The following LAMA2 variants were observed in gnomAD, a reference collection of about 807,000 sequenced individuals.
LAMA2 encodes the protein laminin subunit alpha-2.
Under a neutral mutation model 364.8 loss-of-function variants are expected in LAMA2, and 269 were observed. That is an observed-to-expected ratio of 0.74 (90% CI 0.67 to 0.82). The LOEUF (loss-of-function observed/expected upper bound fraction) is 0.82. Ranked by LOEUF, LAMA2 falls within the 40% of genes least tolerant of loss-of-function variation. The probability of loss-of-function intolerance (pLI) is 0.00; values close to 1 mark genes in which losing one functional copy is unlikely to be tolerated. For missense variants in LAMA2, 3,807 were observed against 3,873.2 expected (o/e 0.98, Z 0.45); for synonymous variants, 1,379 against 1,370.6 (o/e 1.01, Z -0.14).
intron 58 of LAMA2, among the ~76,000 whole-genome samples, chr6:129,496,415 C>T (rs895680026): frequency 3.3e-5 from 5 of 152,136 alleles, no homozygotes; most frequent in African/African-American, 1.2e-4. Context: ...GTCTGCCCAC[C>T]TCAGCCTCCC....
At chr6:129,433,355 A>T (rs926449017) in intron 41 of LAMA2, among the ~76,000 whole-genome samples, 5 of 152,172 alleles carry the variant, frequency 3.3e-5, no homozygotes, top group African/African-American at 1.2e-4. Context: ...ATTCTTCCTC[A>T]CTCGGGTGCT....
intron 17 of LAMA2, among the ~76,000 whole-genome samples, chr6:129,278,825 T>C (rs1367285210): frequency 1.3e-5 from 2 of 152,166 alleles, no homozygotes; most frequent in Admixed American, 1.3e-4. Context: ...ATGATAGACT[T>C]ACCTGGTCCT....
chr6:129,213,696 T>A (rs1783245181), intron 12 of LAMA2, among the ~76,000 whole-genome samples: 1 of 152,158 alleles, frequency 6.6e-6, no homozygotes, highest in Admixed American at 6.6e-5. Context: ...TCTGTTTAGA[T>A]TTTTTCCAAT....
chr6:128,888,754 T>C (rs1410497981), intron 1 of LAMA2, among the ~76,000 whole-genome samples: 1 of 152,230 alleles, frequency 6.6e-6, no homozygotes, highest in African/African-American at 2.4e-5. Context: ...TTGACCTTAA[T>C]TTTAAAGATT....
In LAMA2 at chr6:129,270,303, ACACACACACACACG is replaced by A. The variant is rs1379850910; in HGVS notation, c.2323-318_2323-305del. Among the ~76,000 whole-genome samples, 14 of 92,234 alleles carry A rather than the reference ACACACACACACACG, an allele frequency of 1.5e-4. No homozygotes were observed. The East Asian group carries it at 1.6e-3, about 11-fold the overall frequency. 60.5% of individuals were successfully genotyped at this position (92,234 alleles called of 152,430 possible). ...CACACACACACACACACACACACAC[ACACACACACACACG>A]CAATATCATGTATTTTCTTAAGGAA... is the stretch of plus-strand genomic sequence containing the variant. On this transcript the variant is annotated intron_variant, in intron 16 of 64. Coordinates refer to ENST00000421865, the MANE Select transcript of LAMA2 (RefSeq NM_000426.4).
At chr6:129,338,629 T>C (rs1348164800) in intron 29 of LAMA2, among the ~76,000 whole-genome samples, 2 of 152,206 alleles carry the variant, frequency 1.3e-5, no homozygotes, top group Non-Finnish European at 2.9e-5. Context: ...ACCAGTTTCA[T>C]CTATACTTCC....
intron 1 of LAMA2, 115 bp downstream of exon 1, chr6:128,883,472 G>A (rs1775935845): frequency 6.6e-7 from 1 of 1,510,280 alleles, no homozygotes; most frequent in South Asian, 1.2e-5. Flanking sequence ...CGCCTTCAGA[G>A]AGTGCGCTCT....
In LAMA2 at chr6:129,465,164, A is replaced by G; in HGVS notation, c.7175A>G (p.Glu2392Gly). ...TRDLRDFMSV[E>G]LTDGHIKVSY... Reference sequence around the variant, plus strand: ...TAATAGAGAGATTTCATGAGTGTGGAGCTCACTGATGGGCACATAAAAGTC... The same window carrying G: ...TAATAGAGAGATTTCATGAGTGTGGGGCTCACTGATGGGCACATAAAAGTC... The change falls in exon 51 of 65, where the codon GAG becomes GGG. Residue 2392 changes from glutamate to glycine, a missense_variant. Coordinates refer to ENST00000421865, the MANE Select transcript of LAMA2 (RefSeq NM_000426.4). The G allele has an allele frequency of 6.2e-7, 1 of 1,610,926 alleles. No homozygotes were observed. Among genetic ancestry groups the G allele is most frequent in the Non-Finnish European group, 8.5e-7 (1 of 1,177,668 alleles).
intron 12 of LAMA2, among the ~76,000 whole-genome samples, 187 bp from the exon 13 acceptor site, chr6:129,249,925 A>C (rs1786050780): frequency 1.3e-5 from 2 of 152,162 alleles, no homozygotes; most frequent in African/African-American, 4.8e-5. Context: ...CTTGCAGTTG[A>C]TGGGTAAGGT....
intron 15 of LAMA2, among the ~76,000 whole-genome samples, chr6:129,264,043 C>T (rs1199417050): frequency 6.6e-6 from 1 of 152,044 alleles, no homozygotes; most frequent in Admixed American, 6.6e-5. Context: ...CGCACCCAGC[C>T]TGAGTTACAT....
At chr6:128,900,274 C>T (rs1465445145) in intron 1 of LAMA2, among the ~76,000 whole-genome samples, 1 of 152,094 alleles carries the variant, frequency 6.6e-6, no homozygotes, top group Non-Finnish European at 1.5e-5. Flanking sequence ...GGAGCTGGCC[C>T]TTCAGCAAAG....
chr6:129,402,167 C>T (rs1017112432), intron 38 of LAMA2, among the ~76,000 whole-genome samples, 157 bp from the exon 39 acceptor site: 1 of 149,332 alleles, frequency 6.7e-6, no homozygotes, highest in Non-Finnish European at 1.5e-5. Context: ...TGAGATCGCA[C>T]CACTGCATTC....
chr6:129,156,838 CA>C (rs1315917709), intron 8 of LAMA2, among the ~76,000 whole-genome samples: 2 of 152,040 alleles, frequency 1.3e-5, no homozygotes, highest in Non-Finnish European at 2.9e-5. Context: ...ATCTCACTTG[CA>C]AAGTAAATGG....
chr6:129,027,431 G>T (rs1785902248), intron 1 of LAMA2, among the ~76,000 whole-genome samples: 1 of 152,012 alleles, frequency 6.6e-6, no homozygotes, highest in African/African-American at 2.4e-5. Flanking sequence ...TGTCGTAAGT[G>T]AATGAAACTG....
chr6:129,476,948 C>T (rs1784095744), intron 53 of LAMA2, among the ~76,000 whole-genome samples: 1 of 152,092 alleles, frequency 6.6e-6, no homozygotes, highest in African/African-American at 2.4e-5. Context: ...CTGCCAAGGT[C>T]TAATTTGTTT....
chr6:129,120,481 TA>T (rs1426115266), intron 4 of LAMA2, among the ~76,000 whole-genome samples: 3 of 152,218 alleles, frequency 2.0e-5, no homozygotes, highest in Non-Finnish European at 4.4e-5. Context: ...AGTAAAAATG[TA>T]TAATTATTTT....
chr6:129,342,546 A>C, intron 30 of LAMA2, 79 bp downstream of exon 30: 1 of 1,414,640 alleles, frequency 7.1e-7, no homozygotes, highest in Admixed American at 2.1e-5. Context: ...TGATTTGGCT[A>C]TTTTTTCCAT....
intron 3 of LAMA2, among the ~76,000 whole-genome samples, chr6:129,061,674 C>T (rs1788928191): frequency 6.6e-6 from 1 of 152,198 alleles, no homozygotes; most frequent in African/African-American, 2.4e-5. Context: ...TCTGTTTTCT[C>T]TTCCTCCCAT....
intron 29 of LAMA2, among the ~76,000 whole-genome samples, chr6:129,339,191 A>G (rs1196568374): frequency 6.6e-6 from 1 of 152,238 alleles, no homozygotes; most frequent in East Asian, 1.9e-4. Flanking sequence ...TCCAAATAAA[A>G]TATGACAGTG....
Sources: gnomAD v4.1 joint callset for allele counts (sites outside exome capture counted in the v4.1 genomes callset) on GRCh38, gnomAD v4.1.1 for gene constraint, MANE v1.5 for transcripts, NCBI Gene and HGNC (gene_info 2026-07-23, HGNC 2026-07-21) for gene names.